KSR2: variants seen among roughly 807,000 people sequenced by gnomAD.
KSR2 encodes kinase suppressor of ras 2.
KSR2 carries 25 observed loss-of-function variants against 107.8 expected under a neutral mutation model. That is an observed-to-expected ratio of 0.23 (90% confidence interval 0.17 to 0.32). The LOEUF (loss-of-function observed/expected upper bound fraction) is 0.32, where lower values mean the gene tolerates loss of function less well. Among genes scored for constraint, KSR2 ranks in the 10% least tolerant of loss-of-function variants. The pLI, the probability that KSR2 is intolerant of heterozygous loss-of-function variation, is 1.00. For synonymous variants in KSR2, 480 were observed against 507.0 expected (o/e 0.95, Z 0.71); for missense variants, 887 against 1,268.9 (o/e 0.70, Z 4.57).
intron 5 of KSR2, among the ~76,000 whole-genome samples, chr12:117,607,989 C>A (rs73211933): frequency 6.6e-6 from 1 of 152,146 alleles, no homozygotes; most frequent in Non-Finnish European, 1.5e-5. Context: ...GGAATGGAGC[C>A]CCACATGGGG....
At position 117,667,492 on chromosome 12, in the gene KSR2, C is replaced by T. The variant is rs1211379864; in HGVS notation, c.1153G>A (p.Glu385Lys). Residue 385 changes from glutamate to lysine, a missense_variant, in exon 5 of 20, where the codon GAG becomes AAG. Coordinates refer to ENST00000339824, the MANE Select transcript of KSR2 (RefSeq NM_173598.6). ...FLPSTPPVHT[E>K]ANFSANTLSV... ...GACTTACTTGCAGAGAAGTTGGCCT[C>T]AGTGTGAACAGGAGGGGTGGAAGGC... 8.1e-6 allele frequency: 13 copies of T among 1,611,450 alleles called. No homozygotes were observed. Among genetic ancestry groups the T allele is most frequent in the Non-Finnish European group, 1.1e-5 (13 of 1,179,168 alleles).
intron 14 of KSR2, among the ~76,000 whole-genome samples, chr12:117,520,573 A>T (rs1200099633): frequency 6.6e-6 from 1 of 152,254 alleles, no homozygotes; most frequent in Non-Finnish European, 1.5e-5. Flanking sequence ...CACCAAGATC[A>T]TCAGCCCTTT....
At chr12:117,742,633 G>C (rs1439712977) in intron 4 of KSR2, among the ~76,000 whole-genome samples, 3 of 152,128 alleles carry the variant, frequency 2.0e-5, no homozygotes. Flanking sequence ...ATCTGGGTGA[G>C]GGGAATTAGA....
At position 117,547,446 on chromosome 12, in the gene KSR2, T is replaced by C. The variant is rs1000343475; in HGVS notation, c.1519-7559A>G. On this transcript the variant is annotated intron_variant, in intron 9 of 19. Coordinates refer to ENST00000339824, the MANE Select transcript of KSR2 (RefSeq NM_173598.6). ...AGGTGTGGGAGGGAGTGCTGCATTA[T>C]TGCTGGGTGAGGGGGGTGTTCCTTC... Among the ~76,000 whole-genome samples, 3 of 152,090 alleles carry C rather than the reference T, an allele frequency of 2.0e-5. No homozygotes were observed. In the East Asian group the frequency reaches 5.8e-4, roughly 29 times the overall value.
chr12:117,888,231 T>C (rs1216377860), intron 1 of KSR2, among the ~76,000 whole-genome samples: 2 of 152,208 alleles, frequency 1.3e-5, no homozygotes, highest in African/African-American at 4.8e-5. Context: ...GATTCAACCC[T>C]GGACAATGCT....
chr12:117,626,496 T>G (rs973453194), intron 5 of KSR2, among the ~76,000 whole-genome samples: 1 of 152,232 alleles, frequency 6.6e-6, no homozygotes, highest in Non-Finnish European at 1.5e-5. Context: ...TTGTTCAGTT[T>G]CCATGTAGTT....
intron 1 of KSR2, among the ~76,000 whole-genome samples, chr12:117,867,792 G>A (rs1893525264): frequency 6.6e-6 from 1 of 152,154 alleles, no homozygotes; most frequent in Non-Finnish European, 1.5e-5. Flanking sequence ...TGATCCCAGA[G>A]GCATGGCCAA....
chr12:117,482,180 T>G (rs1025085726), intron 16 of KSR2, among the ~76,000 whole-genome samples: 3 of 151,764 alleles, frequency 2.0e-5, no homozygotes, highest in African/African-American at 7.3e-5. Flanking sequence ...AGAGGCTGCA[T>G]GAAGAGGGAA....
chr12:117,829,812 C>T (rs187207328), intron 3 of KSR2, among the ~76,000 whole-genome samples: 30 of 152,368 alleles, frequency 2.0e-4, no homozygotes, highest in South Asian at 4.1e-4. Flanking sequence ...GCAGCCCACT[C>T]TAGTTCACTG....
chr12:117,731,512 G>A (rs535469062), intron 4 of KSR2, among the ~76,000 whole-genome samples: 56 of 152,184 alleles, frequency 3.7e-4, no homozygotes, highest in Admixed American at 1.0e-3. Flanking sequence ...CCCTCTGTCC[G>A]GCCGCCACCC....
chr12:117,887,557 A>G (rs115055650), intron 1 of KSR2, among the ~76,000 whole-genome samples: 144 of 152,316 alleles, frequency 9.5e-4, no homozygotes, highest in African/African-American at 3.0e-3. Flanking sequence ...CTGAGAATCC[A>G]GTGTTTCAAC....
intron 4 of KSR2, among the ~76,000 whole-genome samples, chr12:117,740,585 G>GCATATATTACATATATAATATATT (rs1888168757): frequency 1.5e-5 from 1 of 66,310 alleles, no homozygotes; most frequent in Non-Finnish European, 3.2e-5. Context: ...TATTATATAT[G>GCATATATTACATATATAATATATT]TACTATATAC....
chr12:117,584,675 A>T (rs1199940220), intron 5 of KSR2, among the ~76,000 whole-genome samples: 1 of 152,234 alleles, frequency 6.6e-6, no homozygotes, highest in Non-Finnish European at 1.5e-5. Context: ...CACCACCTCA[A>T]AGCATCGTGC....
At chr12:117,926,207 TAAC>T in intron 1 of KSR2, among the ~76,000 whole-genome samples, 1 of 151,946 alleles carries the variant, frequency 6.6e-6, no homozygotes, top group Non-Finnish European at 1.5e-5. Context: ...CAGAGAAAAA[TAAC>T]AACCGAGAAA....
Position 117,897,851 on chromosome 12 carries a change from CAGA to C in KSR2, c.181-37423_181-37421del, listed in dbSNP as rs1441321118. ...TTATTTTCCTATGAAAACACCCCCA[CAGA>C]AGTTTTAGTTGGCTTGAGAATATAG... On this transcript the variant is annotated intron_variant, in intron 1 of 19. Transcript: ENST00000339824. This position sits in a 1 kb window ranked among gnomAD's most constrained non-coding sequence, Gnocchi z 4.5. 6.6e-6 allele frequency among the ~76,000 whole-genome samples: 1 copy of C among 152,140 alleles called. No homozygotes were observed. Among genetic ancestry groups the C allele is most frequent in the Non-Finnish European group, 1.5e-5 (1 of 68,028 alleles).
Position 117,897,918 on chromosome 12 carries a change from CGTCTGTGTGTGT to C in KSR2, c.181-37499_181-37488del, listed in dbSNP as rs1894563249. The stretch of plus-strand genomic sequence containing the variant: ...ATGGTTGGCAGTCTATTGTACACAC[CGTCTGTGTGTGT>C]GTCTGTGTGCACTCATACACGTACA... On this transcript the variant is annotated intron_variant, in intron 1 of 19. Transcript: ENST00000339824. The surrounding 1 kb of genome is among the most constrained non-coding windows in gnomAD (Gnocchi z 4.5). Among the ~76,000 whole-genome samples the C allele has an allele frequency of 6.6e-6, 1 of 151,762 alleles. No homozygotes were observed. The highest frequency in any genetic ancestry group is 2.4e-5 in the African/African-American group (1 of 41,282).
At chr12:117,663,054 G>A (rs1884506929) in intron 5 of KSR2, among the ~76,000 whole-genome samples, 2 of 152,174 alleles carry the variant, frequency 1.3e-5, no homozygotes, top group Admixed American at 6.5e-5. Context: ...TGTGGGTGCT[G>A]CTTTCTAAGT....
chr12:117,888,725 G>C (rs1894251616), intron 1 of KSR2, among the ~76,000 whole-genome samples: 1 of 152,182 alleles, frequency 6.6e-6, no homozygotes, highest in South Asian at 2.1e-4. Flanking sequence ...CCAGCCTCCA[G>C]AACGGTAAGA....
chr12:117,696,194 G>C (rs962531623), intron 4 of KSR2, among the ~76,000 whole-genome samples: 1 of 152,134 alleles, frequency 6.6e-6, no homozygotes, highest in African/African-American at 2.4e-5. Flanking sequence ...AAAGCCACCT[G>C]CCACCTGCCA....
Sources: allele counts gnomAD v4.1 joint callset (sites outside exome capture counted in the v4.1 genomes callset), GRCh38; gene constraint gnomAD v4.1.1; non-coding constraint Gnocchi (gnomAD v3.1); transcripts MANE v1.5; gene names NCBI Gene and HGNC (gene_info 2026-07-23, HGNC 2026-07-21).